ARL8B: variants seen among roughly 807,000 people sequenced by gnomAD.
ARL8B encodes ARF like GTPase 8B.
Under a neutral mutation model 30.6 loss-of-function variants are expected in ARL8B, and 9 were observed. The observed-to-expected ratio is 0.29, with a 90% CI of 0.18 to 0.51. The LOEUF is 0.51. ARL8B is among the 20% of genes least tolerant of loss of function. The probability of loss-of-function intolerance (pLI) is 0.97; values close to 1 mark genes in which losing one functional copy is unlikely to be tolerated. For synonymous variants in ARL8B, 74 were observed against 76.0 expected (o/e 0.97, Z 0.14); for missense variants, 130 against 227.2 (o/e 0.57, Z 2.75).
chr3:5,180,687 ATTTT>A lies in ARL8B; in HGVS notation c.*1977_*1980del, dbSNP rs1252728208. 1 of 152,632 alleles carries A rather than the reference ATTTT, an allele frequency of 6.6e-6. No homozygotes were observed. Among genetic ancestry groups the A allele is most frequent in the Non-Finnish European group, 1.5e-5 (1 of 68,036 alleles). 9.5% of individuals were successfully genotyped at this position (152,632 alleles called of 1,614,324 possible). A position where few individuals can be genotyped will look rare whatever the true frequency, so the allele number is the denominator to read the frequency against. On this transcript the variant is annotated 3_prime_UTR_variant, in exon 7 of 7. Transcript: ENST00000256496. ...TGAATTTTTTTATTTAGGTGGATGC[ATTTT>A]TTGTCTGTTTACTGCTCTTCTCAGC...
At chr3:5,163,049 G>A (rs1481684066) in intron 1 of ARL8B, among the ~76,000 whole-genome samples, 2 of 149,022 alleles carry the variant, frequency 1.3e-5, no homozygotes, top group African/African-American at 2.5e-5. Flanking sequence ...GTGCAGTGGC[G>A]TGATTTCAGC....
intron 1 of ARL8B, among the ~76,000 whole-genome samples, chr3:5,153,653 G>A (rs2054507234): frequency 6.6e-6 from 1 of 152,020 alleles, no homozygotes; most frequent in Non-Finnish European, 1.5e-5. Context: ...TTTCCTTTCA[G>A]CCATCAAACA....
At chr3:5,124,827 G>A (rs1468845909) in intron 1 of ARL8B, among the ~76,000 whole-genome samples, 2 of 152,094 alleles carry the variant, frequency 1.3e-5, no homozygotes, top group South Asian at 2.1e-4. Flanking sequence ...TCAGTTAACT[G>A]TAAATTTTCT....
At chr3:5,132,901 T>C (rs2054295194) in intron 1 of ARL8B, among the ~76,000 whole-genome samples, 1 of 152,112 alleles carries the variant, frequency 6.6e-6, no homozygotes, top group Non-Finnish European at 1.5e-5. Flanking sequence ...ATTAAGACAT[T>C]GGAGGAGTTT....
At chr3:5,149,000 A>G (rs1050179315) in intron 1 of ARL8B, among the ~76,000 whole-genome samples, 1 of 152,134 alleles carries the variant, frequency 6.6e-6, no homozygotes, top group African/African-American at 2.4e-5. Flanking sequence ...CCGCGCTACT[A>G]GAGGTTTCTT....
At chr3:5,123,948 A>G (rs545907941) in intron 1 of ARL8B, among the ~76,000 whole-genome samples, 2 of 152,204 alleles carry the variant, frequency 1.3e-5, no homozygotes, top group Admixed American at 6.5e-5. Flanking sequence ...ATCTCAGCTC[A>G]CTGCAACCTC....
At chr3:5,173,950 A>T in intron 4 of ARL8B, 67 bp from the exon 5 acceptor site, 1 of 1,164,444 alleles carries the variant, frequency 8.6e-7, no homozygotes, top group Non-Finnish European at 1.3e-6. Flanking sequence ...TTCACATATC[A>T]AGATGATAAA....
intron 1 of ARL8B, among the ~76,000 whole-genome samples, chr3:5,142,259 C>T (rs1559278467): frequency 6.6e-6 from 1 of 152,088 alleles, no homozygotes; most frequent in Non-Finnish European, 1.5e-5. Flanking sequence ...TTAGGATGTG[C>T]GTACAAGTTG....
chr3:5,143,749 G>T (rs995728722), intron 1 of ARL8B, among the ~76,000 whole-genome samples: 4 of 152,238 alleles, frequency 2.6e-5, no homozygotes, highest in African/African-American at 9.6e-5. Context: ...TCAAGAGGAA[G>T]AGTTTGAGTC....
chr3:5,178,209 G>A (rs1575577386), intron 6 of ARL8B, among the ~76,000 whole-genome samples: 3 of 151,932 alleles, frequency 2.0e-5, no homozygotes, highest in East Asian at 3.9e-4. Flanking sequence ...GCTCCACAAT[G>A]TTTCATGCCT....
chr3:5,148,987 G>A (rs185285402), intron 1 of ARL8B, among the ~76,000 whole-genome samples: 75 of 152,186 alleles, frequency 4.9e-4, no homozygotes, highest in African/African-American at 1.5e-3. Flanking sequence ...CTGTGTACTC[G>A]ACCCGCGCTA....
chr3:5,167,462 G>T (rs1007182044), intron 1 of ARL8B, among the ~76,000 whole-genome samples: 19 of 152,154 alleles, frequency 1.2e-4, no homozygotes, highest in African/African-American at 4.6e-4. Context: ...ATAGGGTTAG[G>T]TTCTATCTGT....
At chr3:5,152,037 G>A (rs1219573261) in intron 1 of ARL8B, among the ~76,000 whole-genome samples, 1 of 152,116 alleles carries the variant, frequency 6.6e-6, no homozygotes, top group Non-Finnish European at 1.5e-5. Context: ...CTCAGAATAT[G>A]GTTGAGTGAA....
At chr3:5,130,992 G>A (rs890030537) in intron 1 of ARL8B, among the ~76,000 whole-genome samples, 4 of 151,200 alleles carry the variant, frequency 2.6e-5, no homozygotes, top group Non-Finnish European at 5.9e-5. Flanking sequence ...CATGCTGGGA[G>A]TGCAGTGGCA....
intron 1 of ARL8B, among the ~76,000 whole-genome samples, chr3:5,158,423 A>C (rs1165242450): frequency 1.3e-5 from 2 of 152,366 alleles, no homozygotes; most frequent in East Asian, 3.9e-4. Context: ...CCCTGTACCA[A>C]GCACTGTTCA....
At chr3:5,153,718 T>C (rs995831286) in intron 1 of ARL8B, among the ~76,000 whole-genome samples, 3 of 152,202 alleles carry the variant, frequency 2.0e-5, no homozygotes, top group Non-Finnish European at 4.4e-5. Context: ...GTATTTATCA[T>C]TTCTTTTGAT....
intron 1 of ARL8B, among the ~76,000 whole-genome samples, chr3:5,129,348 G>A (rs1255000496): frequency 6.6e-6 from 1 of 152,058 alleles, no homozygotes; most frequent in Non-Finnish European, 1.5e-5. Flanking sequence ...CTAATACTGA[G>A]CAGATTTCAT....
intron 1 of ARL8B, among the ~76,000 whole-genome samples, chr3:5,124,075 T>G (rs2054207482): frequency 6.6e-6 from 1 of 151,978 alleles, no homozygotes. Flanking sequence ...GCTTTGTTGC[T>G]CAGGCTAGTC....
At chr3:5,149,534 C>T (rs1370692284) in intron 1 of ARL8B, among the ~76,000 whole-genome samples, 1 of 152,230 alleles carries the variant, frequency 6.6e-6, no homozygotes, top group Admixed American at 6.5e-5. Flanking sequence ...AGTCCCTCCC[C>T]CAGTTCTTCA....
Sources: allele counts gnomAD v4.1 joint callset (sites outside exome capture counted in the v4.1 genomes callset), GRCh38; gene constraint gnomAD v4.1.1; transcripts MANE v1.5; gene names NCBI Gene and HGNC (gene_info 2026-07-23, HGNC 2026-07-21).